PRDM15: variants seen among roughly 807,000 people sequenced by gnomAD.
PRDM15 encodes PR/SET domain 15, also known as PR domain zinc finger protein 15.
A neutral mutation model predicts 128.6 loss-of-function variants in PRDM15; 64 were observed. That is an observed-to-expected ratio of 0.50 (90% CI 0.41 to 0.61). The LOEUF is 0.61. Ranked by LOEUF, PRDM15 falls within the 20% of genes least tolerant of loss-of-function variation. The pLI is 0.00. For missense variants in PRDM15, 1,242 were observed against 1,569.1 expected (o/e 0.79, Z 3.52); for synonymous variants, 615 against 621.8 (o/e 0.99, Z 0.16).
At chr21:41,830,581 A>G (rs2062652975) in intron 11 of PRDM15, among the ~76,000 whole-genome samples, 1 of 151,448 alleles carries the variant, frequency 6.6e-6, no homozygotes, top group Non-Finnish European at 1.5e-5. Context: ...CACACACACC[A>G]CACACCTCAT....
At chr21:41,822,900 T>C (rs1308141139) in intron 14 of PRDM15, among the ~76,000 whole-genome samples, 2 of 152,136 alleles carry the variant, frequency 1.3e-5, no homozygotes, top group Non-Finnish European at 2.9e-5. Context: ...CTGGACATTA[T>C]GGTGGATGCT....
In PRDM15 at chr21:41,799,932, G is replaced by A. The variant is rs1473304401; in HGVS notation, c.*1308C>T. 6.6e-6 allele frequency: 1 copy of A among 152,204 alleles called. No individual in the cohort carries two copies. Among genetic ancestry groups the A allele is most frequent in the East Asian group, 1.9e-4 (1 of 5,182 alleles). 9.4% of individuals were successfully genotyped at this position (152,204 alleles called of 1,614,324 possible). ...AGGGCTGGGTGCCTCCCCCAACCCTGGCCCCTGCCCCCGAAACTGGTACAC... is the reference window on the plus strand; with the variant it reads ...AGGGCTGGGTGCCTCCCCCAACCCTAGCCCCTGCCCCCGAAACTGGTACAC... On this transcript the variant is annotated 3_prime_UTR_variant, in exon 24 of 24. Coordinates refer to ENST00000398548, the MANE Select transcript of PRDM15 (RefSeq NM_001040424.3).
chr21:41,821,268 A>G lies in PRDM15; in HGVS notation c.1897-38T>C, dbSNP rs1193619658. 1.9e-6 allele frequency: 3 copies of G among 1,612,300 alleles called. No individual in the cohort carries two copies. The highest frequency in any genetic ancestry group is 2.5e-6 in the Non-Finnish European group (3 of 1,179,378). ...TGGACAGGGCACTGCTGACACCCGC[A>G]TGAGGTCCCTGGTCCTCTTAGCTAA... is the stretch of plus-strand genomic sequence containing the variant. On this transcript the variant is annotated intron_variant, in intron 15 of 23. Transcript: ENST00000398548. This position sits in a 1 kb window ranked among gnomAD's most constrained non-coding sequence, Gnocchi z 5.4.
intron 1 of PRDM15, among the ~76,000 whole-genome samples, chr21:41,876,913 A>T (rs1329585832): frequency 2.0e-5 from 3 of 152,000 alleles, no homozygotes; most frequent in Non-Finnish European, 2.9e-5. Context: ...TTCCCCACAC[A>T]CAGCCAAAAG....
In PRDM15 at chr21:41,815,746, G is replaced by A. The variant is rs2062028203; in HGVS notation, c.2351C>T (p.Ala784Val). 6.2e-7 allele frequency: 1 copy of A among 1,614,012 alleles called. No individual in the cohort carries two copies. Among genetic ancestry groups the A allele is most frequent in the Non-Finnish European group, 8.5e-7 (1 of 1,179,968 alleles). Reference sequence around the variant, plus strand: ...GTGCTTGAGCATGTTGACCTTCTGCGCGAACCTGCGGTGGCACTCCTTGCA... The same window carrying A: ...GTGCTTGAGCATGTTGACCTTCTGCACGAACCTGCGGTGGCACTCCTTGCA... ...YECKECHRRF[A>V]QKVNMLKHCK... Residue 784 changes from alanine to valine, a missense_variant, in exon 19 of 24, where the codon GCG (alanine) becomes GTG (valine). By Grantham distance (64) the Ala-to-Val change is moderately conservative. Transcript: ENST00000398548.
chr21:41,854,584 C>T lies in PRDM15; in HGVS notation c.520G>A (p.Ala174Thr), dbSNP rs140468382. 3,928 of 1,613,388 alleles carry T rather than the reference C, an allele frequency of 2.4e-3. 7 individuals are homozygous for T. The highest frequency in any genetic ancestry group is 3.1e-3 in the Non-Finnish European group (3,699 of 1,179,978). Residue 174 changes from alanine to threonine, a missense_variant, in exon 5 of 24, where the codon GCC becomes ACC. Physicochemically the swap from Ala to Thr is moderately conservative, Grantham distance 58. This residue lies in a region of PRDM15 where 612 missense variants were observed against 717.0 expected (regional missense o/e 0.85). Transcript: ENST00000398548. The surrounding 1 kb of genome is among the most constrained non-coding windows in gnomAD (Gnocchi z 4.6). ...KKMDKPMLKQ[A>T]GSGVHAAGTP... ...CACATACCGTGGACGCCAGAGCCGG[C>T]CTGCTTCAGCATGGGCTTGTCCATC...
intron 6 of PRDM15, among the ~76,000 whole-genome samples, chr21:41,846,469 C>G (rs768982685): frequency 1.3e-5 from 2 of 152,172 alleles, no homozygotes; most frequent in South Asian, 2.1e-4. Flanking sequence ...TTTGGGAGGC[C>G]GAGGCAGACG....
chr21:41,826,210 G>A (rs1382574131), intron 12 of PRDM15, among the ~76,000 whole-genome samples, 156 bp from the exon 13 acceptor site: 1 of 152,236 alleles, frequency 6.6e-6, no homozygotes, highest in Non-Finnish European at 1.5e-5. Flanking sequence ...AACATCACTT[G>A]CACACTGTTT....
At position 41,828,167 on chromosome 21, in the gene PRDM15, T is replaced by C. The variant is rs2062537903; in HGVS notation, c.1533A>G (p.Glu511=). 6.2e-7 allele frequency: 1 copy of C among 1,613,490 alleles called. No homozygotes were observed. The highest frequency in any genetic ancestry group is 1.7e-5 in the Admixed American group (1 of 59,998). Reference sequence around the variant, plus strand: ...CAGCAGGTGCGCAGGCGGCCTCACCTTCCAGGTGCCGGCGCTGGTGGTCCA... The same window carrying C: ...CAGCAGGTGCGCAGGCGGCCTCACCCTCCAGGTGCCGGCGCTGGTGGTCCA... ...VMLDHQRRHL[E]GVRRVKREDL... Residue 511 remains glutamate, a splice_region_variant and synonymous_variant, in exon 12 of 24, where the codon GAA becomes GAG. Transcript: ENST00000398548. The surrounding 1 kb of genome is among the most constrained non-coding windows in gnomAD (Gnocchi z 5.7).
At chr21:41,860,021 A>G (rs1479730430) in intron 2 of PRDM15, among the ~76,000 whole-genome samples, 4 of 152,124 alleles carry the variant, frequency 2.6e-5, no homozygotes, top group African/African-American at 9.7e-5. Flanking sequence ...ATAAATGAAA[A>G]TGGCCAATGT....
rs1480857823 is a variant in PRDM15, at chr21:41,801,444, A to G, written c.3222T>C (p.Ser1074=). ...TCGTCAGGTTGATGAAATGGGCCAC[A>G]GACTGTGGGTTCGAGGCTTCCGGCT... ...HPQPEASNPQ[S]VAHFINLTTL... The change falls in exon 24 of 24, where the codon TCT becomes TCC. Residue 1074 remains serine, a synonymous_variant. Transcript: ENST00000398548. The G allele has an allele frequency of 6.2e-7, 1 of 1,614,208 alleles. No individual in the cohort carries two copies. Among genetic ancestry groups the G allele is most frequent in the Admixed American group, 1.7e-5 (1 of 60,030 alleles).
At chr21:41,861,707 C>A (rs372793946) in intron 1 of PRDM15, 141 of 1,613,964 alleles carry the variant, frequency 8.7e-5, no homozygotes, top group Non-Finnish European at 1.1e-4. Context: ...AAAAGCAGAC[C>A]GTGCAAAACT....
rs1318620822 is a variant in PRDM15 at position 41,828,424 on chromosome 21, C to T, written c.1367-91G>A. 9 of 1,355,856 alleles carry T rather than the reference C, an allele frequency of 6.6e-6. No individual in the cohort carries two copies. The highest frequency in any genetic ancestry group is 1.8e-4 in the Middle Eastern group (1 of 5,548). 84.0% of individuals were successfully genotyped at this position (1,355,856 alleles called of 1,614,324 possible). ...GTGTGGCCTGAACGTCAATAAAGCG[C>T]GGGTGACGGGCATGAGAGTCACGGG... On this transcript the variant is annotated intron_variant, in intron 11 of 23. Coordinates refer to ENST00000398548, the MANE Select transcript of PRDM15 (RefSeq NM_001040424.3). The surrounding 1 kb of genome is among the most constrained non-coding windows in gnomAD (Gnocchi z 5.7).
At chr21:41,842,539 T>A (rs1306680156) in intron 6 of PRDM15, among the ~76,000 whole-genome samples, 1 of 152,192 alleles carries the variant, frequency 6.6e-6, no homozygotes, top group African/African-American at 2.4e-5. Flanking sequence ...GTTGCCAGGC[T>A]GGAGTGCAGT....
Position 41,857,291 on chromosome 21 carries a change from T to C in PRDM15, c.170A>G (p.Glu57Gly). 2 of 1,613,936 alleles carry C rather than the reference T, an allele frequency of 1.2e-6. No homozygotes were observed. Among genetic ancestry groups the C allele is most frequent in the Non-Finnish European group, 1.7e-6 (2 of 1,180,030 alleles). The change falls in exon 4 of 24, where the codon GAA (glutamate) becomes GGA (glycine). Residue 57 changes from glutamate (E) to glycine (G), a missense_variant. This residue lies in a region of PRDM15 where 612 missense variants were observed against 717.0 expected (regional missense o/e 0.85). Transcript: ENST00000398548. ...LPPNLEIRRL[E>G]DGAEGVFAIT... ...GGCGAACACCCCCTCGGCTCCATCT[T>C]CCAGTCGTCTGATCTCCAAGTTGGG...
In PRDM15 at chr21:41,854,695, C is replaced by G; in HGVS notation, c.409G>C (p.Gly137Arg). Reference sequence around the variant, plus strand: ...GAGGTGGTGAAGTACACGTCGCTGCCGTGCTGGTAGGCCGTCAGGTTCTGG... The same window carrying G: ...GAGGTGGTGAAGTACACGTCGCTGCGGTGCTGGTAGGCCGTCAGGTTCTGG... ...EHQNLTAYQH[G>R]SDVYFTTSRD... Residue 137 changes from glycine to arginine, a missense_variant, in exon 5 of 24, where the codon GGC becomes CGC. Physicochemically the swap from Gly to Arg is moderately radical, Grantham distance 125. Around this residue, in one of 3 missense-constraint regions of PRDM15, gnomAD observed 612 missense variants for 717.0 expected, o/e 0.85. Transcript: ENST00000398548. The surrounding 1 kb of genome is among the most constrained non-coding windows in gnomAD (Gnocchi z 4.6). 1 of 1,613,588 alleles carries G rather than the reference C, an allele frequency of 6.2e-7. No individual in the cohort carries two copies. The highest frequency in any genetic ancestry group is 1.7e-4 in the Middle Eastern group (1 of 6,060).
At position 41,821,317 on chromosome 21, in the gene PRDM15, G is replaced by A. The variant is rs956049265; in HGVS notation, c.1897-87C>T. ...AATGAGGTCGTGTCCACAAACCAGG[G>A]CACCCGACACGCCCTGAGAGCCCAT... On this transcript the variant is annotated intron_variant, in intron 15 of 23. Transcript: ENST00000398548. The surrounding 1 kb of genome is among the most constrained non-coding windows in gnomAD (Gnocchi z 5.4). The A allele has an allele frequency of 4.7e-6, 7 of 1,489,758 alleles. No homozygotes were observed. The highest frequency in any genetic ancestry group is 2.3e-4 in the Middle Eastern group (1 of 4,354). 92.3% of individuals were successfully genotyped at this position (1,489,758 alleles called of 1,614,324 possible).
intron 1 of PRDM15, among the ~76,000 whole-genome samples, chr21:41,869,974 C>T (rs995303318): frequency 1.7e-4 from 26 of 152,220 alleles, no homozygotes; most frequent in Non-Finnish European, 3.7e-4. Context: ...AGCAGCACCA[C>T]GCTCGGCGGA....
At chr21:41,865,892 G>A (rs527911501) in intron 1 of PRDM15, among the ~76,000 whole-genome samples, 30 of 152,098 alleles carry the variant, frequency 2.0e-4, no homozygotes, top group Admixed American at 6.5e-4. Flanking sequence ...CTACAGGCAC[G>A]CACCACCATG....
Sources: gnomAD v4.1 joint callset for allele counts (sites outside exome capture counted in the v4.1 genomes callset) on GRCh38, gnomAD v4.1.1 for gene constraint, gnomAD v4.1.1 regional missense constraint, Gnocchi (gnomAD v3.1) non-coding constraint, MANE v1.5 for transcripts, NCBI Gene and HGNC (gene_info 2026-07-23, HGNC 2026-07-21) for gene names.